The following ULK4 variants were observed in gnomAD, a reference collection of about 807,000 sequenced individuals.
ULK4 encodes inactive serine/threonine-protein kinase ULK4.
ULK4 carries 133 observed loss-of-function variants against 160.6 expected under a neutral mutation model. The ratio of observed to expected loss-of-function variants is 0.83; its 90% confidence interval spans 0.72 to 0.96. The LOEUF is 0.96. ULK4 is among the 40% of genes least tolerant of loss of function. The pLI, the probability that ULK4 is intolerant of heterozygous loss-of-function variation, is 0.00. For synonymous variants in ULK4, 534 were observed against 539.8 expected (o/e 0.99, Z 0.15); for missense variants, 1,580 against 1,499.5 (o/e 1.05, Z -0.89).
At chr3:41,394,457 G>A (rs2082015164) in intron 35 of ULK4, among the ~76,000 whole-genome samples, 1 of 152,000 alleles carries the variant, frequency 6.6e-6, no homozygotes, top group African/African-American at 2.4e-5. Context: ...CAAACATCAT[G>A]GCCCAGCATA....
At chr3:41,373,859 G>C (rs1041776911) in intron 35 of ULK4, among the ~76,000 whole-genome samples, 15 of 152,062 alleles carry the variant, frequency 9.9e-5, no homozygotes, top group Non-Finnish European at 7.4e-5. Flanking sequence ...CTGGTTTTCT[G>C]AAAAGATTAA....
intron 32 of ULK4, among the ~76,000 whole-genome samples, chr3:41,478,147 C>A (rs1177133793): frequency 6.6e-6 from 1 of 152,160 alleles, no homozygotes; most frequent in Non-Finnish European, 1.5e-5. Context: ...CTCCAGGGCC[C>A]ATGGGAGTTT....
intron 22 of ULK4, among the ~76,000 whole-genome samples, chr3:41,725,783 G>A (rs532030650): frequency 7.9e-5 from 12 of 152,150 alleles, no homozygotes; most frequent in South Asian, 4.1e-4. Context: ...TGAAAACTAC[G>A]GAGATACTCT....
chr3:41,478,635 G>A (rs2084214946), intron 32 of ULK4, among the ~76,000 whole-genome samples: 1 of 152,238 alleles, frequency 6.6e-6, no homozygotes, highest in Admixed American at 6.5e-5. Context: ...ACTTGAGAGT[G>A]AAAAGTTTCG....
intron 32 of ULK4, among the ~76,000 whole-genome samples, chr3:41,552,349 T>C (rs2125579705): frequency 6.6e-6 from 1 of 152,064 alleles, no homozygotes; most frequent in East Asian, 1.9e-4. Flanking sequence ...TATAATCTTA[T>C]ATCTAAAAAT....
chr3:41,420,523 C>A (rs1305656692), intron 34 of ULK4, among the ~76,000 whole-genome samples: 1 of 119,800 alleles, frequency 8.3e-6, no homozygotes, highest in Non-Finnish European at 1.6e-5. Flanking sequence ...CACTCTGTCA[C>A]CCAGGCTGGA....
At chr3:41,768,703 C>T (rs1296665305) in intron 21 of ULK4, among the ~76,000 whole-genome samples, 1 of 152,176 alleles carries the variant, frequency 6.6e-6, no homozygotes. Context: ...GCAAAATAAC[C>T]TATTGTCCTT....
rs577415479 is a variant in ULK4 at position 41,372,074 on chromosome 3, G to C, written c.3678+26005C>G. ...TTGAAGATCAACTTAATGAAATAAAGTGTGAAGACAAGATTAGAGAAAAAA... is the reference window on the plus strand; with the variant it reads ...TTGAAGATCAACTTAATGAAATAAACTGTGAAGACAAGATTAGAGAAAAAA... On this transcript the variant is annotated intron_variant, in intron 35 of 36. Transcript: ENST00000301831. 2.4e-4 allele frequency among the ~76,000 whole-genome samples: 36 copies of C among 151,962 alleles called. No homozygotes were observed. The South Asian group carries it at 6.9e-3, about 29-fold the overall frequency.
At chr3:41,784,055 T>C (rs534828586) in intron 21 of ULK4, among the ~76,000 whole-genome samples, 1 of 152,178 alleles carries the variant, frequency 6.6e-6, no homozygotes, top group South Asian at 2.1e-4. Flanking sequence ...CATTCAAGCA[T>C]CTGAATTATA....
At chr3:41,714,670 C>T (rs752898007) in intron 25 of ULK4, among the ~76,000 whole-genome samples, 17 of 151,966 alleles carry the variant, frequency 1.1e-4, no homozygotes, top group Non-Finnish European at 1.9e-4. Context: ...TTCATTTCTA[C>T]TTGTATCCTC....
At chr3:41,768,198 A>G (rs1414397200) in intron 21 of ULK4, among the ~76,000 whole-genome samples, 2 of 152,162 alleles carry the variant, frequency 1.3e-5, no homozygotes, top group African/African-American at 2.4e-5. Flanking sequence ...CTGCTGGAAA[A>G]AATTGCCTTT....
chr3:41,899,413 C>G (rs775766282), intron 13 of ULK4, among the ~76,000 whole-genome samples: 1 of 152,070 alleles, frequency 6.6e-6, no homozygotes. Context: ...AAGTTAAACA[C>G]AAAAATTTCT....
chr3:41,793,819 T>C (rs1336178617), intron 20 of ULK4, among the ~76,000 whole-genome samples: 1 of 152,162 alleles, frequency 6.6e-6, no homozygotes, highest in East Asian at 1.9e-4. Flanking sequence ...ATTCAACACA[T>C]TCCCCAAGTC....
intron 35 of ULK4, among the ~76,000 whole-genome samples, chr3:41,253,817 A>AGAT (rs2078782793): frequency 6.6e-6 from 1 of 152,216 alleles, no homozygotes; most frequent in East Asian, 1.9e-4. Flanking sequence ...GGATGAAAAA[A>AGAT]GATATACCAT....
chr3:41,685,145 G>A (rs1040497849), intron 27 of ULK4, among the ~76,000 whole-genome samples: 1 of 152,150 alleles, frequency 6.6e-6, no homozygotes, highest in African/African-American at 2.4e-5. Flanking sequence ...CTGACTTCCT[G>A]TCTTGAATTT....
chr3:41,837,723 G>C (rs1435172746), intron 17 of ULK4, among the ~76,000 whole-genome samples: 1 of 152,054 alleles, frequency 6.6e-6, no homozygotes, highest in Non-Finnish European at 1.5e-5. Context: ...ACCATGGCCA[G>C]CTGATTTTTG....
intron 32 of ULK4, among the ~76,000 whole-genome samples, chr3:41,546,871 T>C (rs1227425199): frequency 6.6e-6 from 1 of 152,058 alleles, no homozygotes; most frequent in Non-Finnish European, 1.5e-5. Context: ...TGTTAAAAGA[T>C]GTTTTCCTGC....
chr3:41,721,822 C>T (rs564152280), intron 22 of ULK4, among the ~76,000 whole-genome samples: 85 of 152,284 alleles, frequency 5.6e-4, no homozygotes, highest in African/African-American at 2.0e-3. Context: ...TTTATGCTTT[C>T]CCACAGTGTC....
At chr3:41,525,040 G>C (rs1321563716) in intron 32 of ULK4, among the ~76,000 whole-genome samples, 2 of 152,172 alleles carry the variant, frequency 1.3e-5, no homozygotes, top group African/African-American at 2.4e-5. Context: ...TGAGACTTGA[G>C]AGCATTCTGG....
Sources: allele counts gnomAD v4.1 joint callset (sites outside exome capture counted in the v4.1 genomes callset), GRCh38; gene constraint gnomAD v4.1.1; transcripts MANE v1.5; gene names NCBI Gene and HGNC (gene_info 2026-07-23, HGNC 2026-07-21).